Variants in NHSL2 observed in about 807,000 individuals in gnomAD.
NHSL2 encodes NHS like 2.
A neutral mutation model predicts 53.4 loss-of-function variants in NHSL2; 27 were observed. The ratio of observed to expected loss-of-function variants is 0.51; its 90% CI spans 0.37 to 0.70. The LOEUF is 0.70. Ranked by LOEUF, NHSL2 falls within the 30% of genes least tolerant of loss-of-function variation. NHSL2 has a pLI of 0.00. For synonymous variants in NHSL2, 408 were observed against 404.1 expected (o/e 1.01, Z -0.12); for missense variants, 892 against 980.1 (o/e 0.91, Z 1.20).
At chrX:72,008,741 A>G (rs905189610) in intron 1 of NHSL2, among the ~76,000 whole-genome samples, 1 of 112,248 alleles carries the variant, frequency 8.9e-6, no homozygotes, top group African/African-American at 3.2e-5. Flanking sequence ...TGGTCATTGT[A>G]GTGGAACAGG....
chrX:72,105,807 C>T (rs763883934), intron 1 of NHSL2, among the ~76,000 whole-genome samples: 1 of 112,280 alleles, frequency 8.9e-6, no homozygotes, highest in South Asian at 3.7e-4. Flanking sequence ...ACTTGACTTT[C>T]GATTTTGACG....
intron 1 of NHSL2, among the ~76,000 whole-genome samples, chrX:71,976,694 G>A (rs977724264): frequency 1.8e-5 from 2 of 112,215 alleles, no homozygotes; most frequent in African/African-American, 6.5e-5. Flanking sequence ...GAGGCTAAGT[G>A]TCCTGCCCAA....
At chrX:72,131,400 C>G in intron 1 of NHSL2, 1 of 1,211,255 alleles carries the variant, frequency 8.3e-7, no homozygotes, top group African/African-American at 1.7e-5. Flanking sequence ...AGACATTGCC[C>G]CGCAAGGAAT....
chrX:72,134,143 C>T lies in NHSL2; in HGVS notation c.489C>T (p.Arg163=). ...SEARLVGQTF[R]SSDEATKPTP... ...CCAGACTTGTGGGGCAGACCTTCCG[C>T]TCTTCTGATGAGGCCACTAAGCCCA... Residue 163 remains arginine, a synonymous_variant, in exon 3 of 8, where the codon CGC becomes CGT. Transcript: ENST00000633930. The T allele has an allele frequency of 8.6e-7, 1 of 1,166,456 alleles. No homozygotes were observed. Among genetic ancestry groups the T allele is most frequent in the Non-Finnish European group, 1.1e-6 (1 of 871,368 alleles).
chrX:72,130,704 GCC>G, intron 1 of NHSL2: 1 of 1,212,023 alleles, frequency 8.3e-7, no homozygotes, highest in Admixed American at 2.2e-5. Context: ...ATTCCGACAG[GCC>G]TTTGAGGAAT....
chrX:72,106,204 G>A (rs988965784), intron 1 of NHSL2, among the ~76,000 whole-genome samples: 1 of 107,873 alleles, frequency 9.3e-6, no homozygotes, highest in South Asian at 4.0e-4. Flanking sequence ...GCAAGACTCT[G>A]TCTAAAAAAA....
chrX:72,023,202 G>A (rs1027693530), intron 1 of NHSL2, among the ~76,000 whole-genome samples: 1 of 112,868 alleles, frequency 8.9e-6, no homozygotes, highest in Admixed American at 9.3e-5. Flanking sequence ...CAAGGCAACA[G>A]GGAAGTCCAA....
At position 72,151,551 on chromosome X, in the gene NHSL2, G is replaced by T. The variant is rs1184684323; in HGVS notation, c.*7977G>T. 1 of 111,983 alleles carries T rather than the reference G, an allele frequency of 8.9e-6. No homozygotes were observed. The highest frequency in any genetic ancestry group is 1.9e-5 in the Non-Finnish European group (1 of 53,193). 9.2% of individuals were successfully genotyped at this position (111,983 alleles called of 1,213,427 possible). A position where few individuals can be genotyped will look rare whatever the true frequency, so the allele number is the denominator to read the frequency against. On this transcript the variant is annotated 3_prime_UTR_variant, in exon 8 of 8. Coordinates refer to ENST00000633930, the MANE Select transcript of NHSL2 (RefSeq NM_001013627.3). ...ATGCCAACCATTACTCTTCAATAGAGTGTCCTTCATGAGCTCTCTCTCTCT... is the reference window on the plus strand; with the variant it reads ...ATGCCAACCATTACTCTTCAATAGATTGTCCTTCATGAGCTCTCTCTCTCT...
At chrX:72,075,289 T>C (rs2041731815) in intron 1 of NHSL2, among the ~76,000 whole-genome samples, 2 of 112,333 alleles carry the variant, frequency 1.8e-5, no homozygotes, top group Non-Finnish European at 3.8e-5. Flanking sequence ...AAAGACCTTG[T>C]GAAGTGTAAA....
intron 1 of NHSL2, among the ~76,000 whole-genome samples, chrX:72,098,168 A>G (rs1281911325): frequency 8.9e-6 from 1 of 112,527 alleles, no homozygotes; most frequent in Non-Finnish European, 1.9e-5. Flanking sequence ...CAGAGGCAGC[A>G]GTTGAGCAAG....
At chrX:71,996,788 G>A (rs191489896) in intron 1 of NHSL2, among the ~76,000 whole-genome samples, 2 of 112,018 alleles carry the variant, frequency 1.8e-5, no homozygotes, top group Admixed American at 1.9e-4. Context: ...GAGACAGGCA[G>A]AAAGGATGCT....
chrX:72,002,971 A>G (rs142509882), intron 1 of NHSL2, among the ~76,000 whole-genome samples: 24 of 111,046 alleles, frequency 2.2e-4, no homozygotes, highest in African/African-American at 6.6e-4. Context: ...GTCACATTCA[A>G]TTGACAGAGT....
chrX:71,922,635 G>A (rs1195771436), intron 1 of NHSL2, among the ~76,000 whole-genome samples: 2 of 112,074 alleles, frequency 1.8e-5, no homozygotes, highest in Non-Finnish European at 3.8e-5. Flanking sequence ...AACATAGCGA[G>A]AACTTGACTG....
chrX:71,968,583 G>T (rs191486743), intron 1 of NHSL2, among the ~76,000 whole-genome samples: 20 of 111,147 alleles, frequency 1.8e-4, no homozygotes, highest in African/African-American at 5.5e-4. Flanking sequence ...TGTGTTTTTG[G>T]TGTCATATGT....
Position 72,054,092 on chromosome X carries a change from GC to G in NHSL2, c.281-77985del, listed in dbSNP as rs774953747. ...CTCACTGAACACCTGCTTACTCTGG[GC>G]CAGCTCTGCTGTAGGTGCCAGGGAT... On this transcript the variant is annotated intron_variant, in intron 1 of 7. Transcript: ENST00000633930. Among the ~76,000 whole-genome samples, 44 of 111,241 alleles carry G rather than the reference GC, an allele frequency of 4.0e-4. 1 individual carries two copies. Among genetic ancestry groups the G allele is most frequent in the Admixed American group, 3.8e-3 (40 of 10,463 alleles).
At chrX:72,021,060 TACACACACACACACAC>T (rs68122154) in intron 1 of NHSL2, among the ~76,000 whole-genome samples, 2 of 106,782 alleles carry the variant, frequency 1.9e-5, no homozygotes, top group Non-Finnish European at 3.8e-5. Context: ...CGCGTGCGCA[TACACACACACACACAC>T]ACACACACAC....
intron 1 of NHSL2, among the ~76,000 whole-genome samples, chrX:71,984,248 T>C (rs1006916502): frequency 1.8e-5 from 2 of 111,680 alleles, no homozygotes; most frequent in Non-Finnish European, 3.8e-5. Flanking sequence ...CAATTCTGAG[T>C]TCTGACAAAA....
At chrX:72,094,240 TCTG>T (rs2147450056) in intron 1 of NHSL2, among the ~76,000 whole-genome samples, 1 of 112,024 alleles carries the variant, frequency 8.9e-6, no homozygotes, top group East Asian at 2.8e-4. Context: ...CTAGAGAAAC[TCTG>T]AGACAGGTGA....
At chrX:71,970,420 CTA>C (rs1489467288) in intron 1 of NHSL2, among the ~76,000 whole-genome samples, 1 of 112,238 alleles carries the variant, frequency 8.9e-6, no homozygotes, top group Non-Finnish European at 1.9e-5. Flanking sequence ...TGTTATAAGT[CTA>C]TTCGGATTTT....
Sources: gnomAD v4.1 joint callset for allele counts (sites outside exome capture counted in the v4.1 genomes callset) on GRCh38, gnomAD v4.1.1 for gene constraint, MANE v1.5 for transcripts, NCBI Gene and HGNC (gene_info 2026-07-23, HGNC 2026-07-21) for gene names.